The following DPP6 variants were observed in gnomAD, a reference collection of about 807,000 sequenced individuals.
DPP6 encodes dipeptidyl peptidase like 6, also known as A-type potassium channel modulatory protein DPP6.
In DPP6, 69 loss-of-function variants were observed where a neutral mutation model predicts 122.6. The ratio of observed to expected loss-of-function variants is 0.56; its 90% CI spans 0.46 to 0.69. The LOEUF is 0.69. DPP6 is among the 30% of genes least tolerant of loss of function. DPP6 has a pLI of 0.00. For synonymous variants in DPP6, 418 were observed against 433.1 expected (o/e 0.97, Z 0.43); for missense variants, 928 against 1,116.9 (o/e 0.83, Z 2.41).
intron 1 of DPP6, among the ~76,000 whole-genome samples, chr7:154,046,474 G>A (rs1046201906): frequency 1.3e-5 from 2 of 152,186 alleles, no homozygotes; most frequent in African/African-American, 4.8e-5. Flanking sequence ...TGGCAATAAT[G>A]GCTTATTCCA....
At chr7:154,789,571 T>A (rs1563212396) in intron 10 of DPP6, among the ~76,000 whole-genome samples, 1 of 152,238 alleles carries the variant, frequency 6.6e-6, no homozygotes, top group Non-Finnish European at 1.5e-5. Flanking sequence ...CATTTCTGTG[T>A]GTCTCTTTAG....
intron 1 of DPP6, among the ~76,000 whole-genome samples, chr7:154,382,485 G>A (rs1031363235): frequency 2.0e-5 from 3 of 152,218 alleles, no homozygotes; most frequent in African/African-American, 7.2e-5. Flanking sequence ...TATTCTGGTA[G>A]GAATTTTTAT....
At chr7:154,299,813 CAAAGCG>C (rs1805786452) in intron 1 of DPP6, among the ~76,000 whole-genome samples, 1 of 152,176 alleles carries the variant, frequency 6.6e-6, no homozygotes, top group Non-Finnish European at 1.5e-5. Context: ...ATATTCGAAG[CAAAGCG>C]ACTGCAGCTG....
intron 17 of DPP6, among the ~76,000 whole-genome samples, chr7:154,861,213 G>C (rs545597089): frequency 2.2e-4 from 33 of 152,266 alleles, no homozygotes; most frequent in African/African-American, 6.7e-4. Context: ...TGGGCCATCT[G>C]TCCTCAAGTA....
At position 154,435,337 on chromosome 7, in the gene DPP6, T is replaced by A. The variant is rs763448936; in HGVS notation, c.244-10877T>A. Among the ~76,000 whole-genome samples the A allele has an allele frequency of 2.0e-5, 3 of 152,134 alleles. No individual in the cohort carries two copies. The East Asian group carries it at 5.8e-4, about 29-fold the overall frequency. On this transcript the variant is annotated intron_variant, in intron 1 of 25. Coordinates refer to ENST00000377770, the MANE Select transcript of DPP6 (RefSeq NM_130797.4). ...AAATTCATTGCACGTTCCTGTGAGTTGCTGCCACACGCTGCACTGGGCCAA... is the reference window on the plus strand; with the variant it reads ...AAATTCATTGCACGTTCCTGTGAGTAGCTGCCACACGCTGCACTGGGCCAA...
chr7:153,835,704 C>T, the DPP6 span, among the ~76,000 whole-genome samples: 1 of 152,124 alleles, frequency 6.6e-6, no homozygotes, highest in African/African-American at 2.4e-5. Flanking sequence ...CTTAAAATAA[C>T]CCCAAGAATA....
At position 154,424,058 on chromosome 7, in the gene DPP6, T is replaced by C. The variant is rs78010114; in HGVS notation, c.244-22156T>C. 1.7e-3 allele frequency among the ~76,000 whole-genome samples: 262 copies of C among 152,300 alleles called. 5 individuals carry two copies. The East Asian group carries it at 0.036, about 21-fold the overall frequency. ...AAAATTTTTTGACTCTTCCCAATCA[T>C]TTGTAAAAATGATACTATCCTCTCC... On this transcript the variant is annotated intron_variant, in intron 1 of 25. Transcript: ENST00000377770.
chr7:154,345,620 T>C (rs946024686), intron 1 of DPP6, among the ~76,000 whole-genome samples: 2 of 152,154 alleles, frequency 1.3e-5, no homozygotes, highest in African/African-American at 4.8e-5. Flanking sequence ...CCTGTTGCTG[T>C]CCACGCCCCT....
chr7:154,490,925 C>T (rs905042535), intron 3 of DPP6, among the ~76,000 whole-genome samples: 8 of 152,002 alleles, frequency 5.3e-5, no homozygotes, highest in Non-Finnish European at 1.2e-4. Context: ...TGTAAGTTGC[C>T]GAAGGAAGGA....
chr7:154,508,368 G>C (rs768083702), intron 3 of DPP6, among the ~76,000 whole-genome samples: 3 of 152,122 alleles, frequency 2.0e-5, no homozygotes, highest in Admixed American at 6.6e-5. Context: ...CAGGGACTGG[G>C]GTTCCCTCCA....
At chr7:154,180,221 A>C (rs574044429) in intron 1 of DPP6, among the ~76,000 whole-genome samples, 1 of 151,598 alleles carries the variant, frequency 6.6e-6, no homozygotes, top group Non-Finnish European at 1.5e-5. Flanking sequence ...GGTAGTGCGC[A>C]CCTATAATCT....
intron 10 of DPP6, among the ~76,000 whole-genome samples, chr7:154,792,709 C>G (rs1797757764): frequency 6.6e-6 from 1 of 152,226 alleles, no homozygotes; most frequent in Admixed American, 6.5e-5. Flanking sequence ...GGAAGAAAAG[C>G]AACCATGTTT....
At chr7:154,128,376 T>C (rs1808090338) in intron 1 of DPP6, among the ~76,000 whole-genome samples, 1 of 152,226 alleles carries the variant, frequency 6.6e-6, no homozygotes, top group Non-Finnish European at 1.5e-5. Flanking sequence ...GCCCAGGAAT[T>C]CGAGACTGGG....
At chr7:154,586,982 A>G (rs1019244732) in intron 5 of DPP6, among the ~76,000 whole-genome samples, 3 of 152,248 alleles carry the variant, frequency 2.0e-5, no homozygotes, top group African/African-American at 7.2e-5. Context: ...GATAAATGAA[A>G]GAACAAATGA....
At chr7:154,374,614 T>TTTTTTCTTTTTCTTC (rs1812966094) in intron 1 of DPP6, among the ~76,000 whole-genome samples, 1 of 151,432 alleles carries the variant, frequency 6.6e-6, no homozygotes, top group Non-Finnish European at 1.5e-5. Flanking sequence ...TTTTTTTCTT[T>TTTTTTCTTTTTCTTC]TTTTCTTTTT....
chr7:154,850,852 T>G (rs1341124328), intron 16 of DPP6, among the ~76,000 whole-genome samples: 1 of 152,234 alleles, frequency 6.6e-6, no homozygotes, highest in Non-Finnish European at 1.5e-5. Context: ...TCTGGCTAAA[T>G]TTTTGCCAAT....
At chr7:154,323,392 G>A (rs1024743905) in intron 1 of DPP6, among the ~76,000 whole-genome samples, 2 of 152,026 alleles carry the variant, frequency 1.3e-5, no homozygotes, top group African/African-American at 4.8e-5. Flanking sequence ...CATATGAAGC[G>A]AGTGTTCCGT....
chr7:154,578,507 TTGGCAGGGGCTATTC>T (rs1831833590), intron 5 of DPP6, among the ~76,000 whole-genome samples: 2 of 1,754 alleles, frequency 1.1e-3, no homozygotes, highest in East Asian at 0.042. Flanking sequence ...CTATTCGGGC[TTGGCAGGGGCTATTC>T]GGGCTTGGCA....
chr7:153,818,428 T>G, the DPP6 span, among the ~76,000 whole-genome samples: 1 of 151,928 alleles, frequency 6.6e-6, no homozygotes, highest in East Asian at 1.9e-4. Context: ...AAGTAAACAT[T>G]TAGGTACCAT....
Sources: gnomAD v4.1 joint callset for allele counts (sites outside exome capture counted in the v4.1 genomes callset) on GRCh38, gnomAD v4.1.1 for gene constraint, MANE v1.5 for transcripts, NCBI Gene and HGNC (gene_info 2026-07-23, HGNC 2026-07-21) for gene names.